MMP16: variants seen among roughly 807,000 people sequenced by gnomAD.
MMP16 encodes the protein matrix metallopeptidase 16.
A neutral mutation model predicts 67.8 loss-of-function variants in MMP16; 12 were observed. The ratio of observed to expected loss-of-function variants is 0.18; its 90% CI spans 0.11 to 0.29. The LOEUF (loss-of-function observed/expected upper bound fraction) is 0.29, where lower values mean the gene tolerates loss of function less well. Ranked by LOEUF, MMP16 falls within the 10% of genes least tolerant of loss-of-function variation. MMP16 has a pLI of 1.00. For missense variants in MMP16, 475 were observed against 765.7 expected, an observed-to-expected ratio of 0.62 and a Z score of 4.48; for synonymous variants, 249 against 255.9, an observed-to-expected ratio of 0.97 and a Z score of 0.26.
chr8:88,149,677 A>C (rs974815356), intron 4 of MMP16, among the ~76,000 whole-genome samples: 36 of 151,380 alleles, frequency 2.4e-4, no homozygotes, highest in African/African-American at 7.0e-4. Context: ...AAACTAACAA[A>C]CAGAAAGGAC....
At chr8:88,042,316 C>T (rs190910911) in intron 9 of MMP16, among the ~76,000 whole-genome samples, 49 of 152,284 alleles carry the variant, frequency 3.2e-4, no homozygotes, top group African/African-American at 1.0e-3. Flanking sequence ...GGAATCTGTG[C>T]TCCTTCTAAA....
At chr8:88,062,712 C>G (rs143980336) in intron 7 of MMP16, among the ~76,000 whole-genome samples, 1 of 151,728 alleles carries the variant, frequency 6.6e-6, no homozygotes, top group Non-Finnish European at 1.5e-5. Flanking sequence ...ATGTAAATGA[C>G]GAGTTAATGG....
chr8:88,238,603 T>A (rs921156936), intron 1 of MMP16, among the ~76,000 whole-genome samples: 1 of 145,712 alleles, frequency 6.9e-6, no homozygotes, highest in Non-Finnish European at 1.5e-5. Context: ...GAGGCGGAGG[T>A]TGCAGTGAGC....
chr8:88,161,555 G>T (rs932001863), intron 4 of MMP16, among the ~76,000 whole-genome samples: 6 of 151,924 alleles, frequency 3.9e-5, no homozygotes, highest in Admixed American at 2.6e-4. Flanking sequence ...ATTTCCTTCA[G>T]TTCTTCTCTG....
rs1486577073 is a variant in MMP16 at position 88,252,847 on chromosome 8, T to C, written c.133-55541A>G. Among the ~76,000 whole-genome samples the C allele has an allele frequency of 2.6e-5, 4 of 152,070 alleles. No individual in the cohort carries two copies. In the South Asian group the frequency reaches 8.3e-4, roughly 31 times the overall value. Reference sequence around the variant, plus strand: ...ATCAAAGCACTAATGTAGAAACATTTAATACGTAAAAGAATAATGCAAATT... The same window carrying C: ...ATCAAAGCACTAATGTAGAAACATTCAATACGTAAAAGAATAATGCAAATT... On this transcript the variant is annotated intron_variant, in intron 1 of 9. Transcript: ENST00000286614.
chr8:88,061,726 T>G (rs1156861950), intron 7 of MMP16, among the ~76,000 whole-genome samples: 1 of 152,076 alleles, frequency 6.6e-6, no homozygotes, highest in Non-Finnish European at 1.5e-5. Context: ...GAAATTGTTA[T>G]TATTCTACTT....
At chr8:88,107,269 G>T (rs1809258848) in intron 6 of MMP16, among the ~76,000 whole-genome samples, 4 of 150,760 alleles carry the variant, frequency 2.7e-5, no homozygotes, top group Non-Finnish European at 5.9e-5. Context: ...AAAAACTAAG[G>T]TGCTATTTTT....
chr8:88,095,292 AT>A (rs950895133), intron 6 of MMP16, among the ~76,000 whole-genome samples: 64 of 149,832 alleles, frequency 4.3e-4, no homozygotes, highest in African/African-American at 1.0e-3. Context: ...TTGTTCTTTA[AT>A]TTTTTTTTTC....
intron 4 of MMP16, among the ~76,000 whole-genome samples, chr8:88,127,654 G>T (rs924416953): frequency 6.6e-6 from 1 of 151,628 alleles, no homozygotes; most frequent in East Asian, 1.9e-4. Flanking sequence ...AACTTTCAAG[G>T]TTATAATTTT....
intron 4 of MMP16, among the ~76,000 whole-genome samples, chr8:88,157,927 T>C (rs1282187255): frequency 6.6e-6 from 1 of 151,076 alleles, no homozygotes; most frequent in Non-Finnish European, 1.5e-5. Flanking sequence ...CAGTGTTTGG[T>C]TTTTTGTCCT....
chr8:88,067,931 CA>C (rs1656513567), intron 7 of MMP16, among the ~76,000 whole-genome samples: 3 of 151,992 alleles, frequency 2.0e-5, no homozygotes, highest in African/African-American at 7.2e-5. Flanking sequence ...GGGAAAATAC[CA>C]AGGGTAAAAT....
At chr8:88,237,420 C>T (rs748718610) in intron 1 of MMP16, among the ~76,000 whole-genome samples, 3 of 151,990 alleles carry the variant, frequency 2.0e-5, no homozygotes, top group Non-Finnish European at 2.9e-5. Flanking sequence ...GAGGCCGAGG[C>T]GGGTGGATCA....
In MMP16 at chr8:88,293,450, A is replaced by G. The variant is rs763579400; in HGVS notation, c.132+33625T>C. Among the ~76,000 whole-genome samples, 153 of 152,298 alleles carry G rather than the reference A, an allele frequency of 1.0e-3. 1 individual carries two copies. The highest frequency in any genetic ancestry group is 1.8e-3 in the Admixed American group (28 of 15,298). On this transcript the variant is annotated intron_variant, in intron 1 of 9. Coordinates refer to ENST00000286614, the MANE Select transcript of MMP16 (RefSeq NM_005941.5). ...AATTCCAAATATCTGTTAGAGTAAC[A>G]AAATCCAATTTAGTTAGTATGTTCT...
chr8:88,139,055 C>G (rs1330363149), intron 4 of MMP16, among the ~76,000 whole-genome samples: 1 of 152,072 alleles, frequency 6.6e-6, no homozygotes, highest in Admixed American at 6.6e-5. Context: ...TAAATTATCT[C>G]TAGGTTATTT....
At chr8:88,303,863 C>T (rs1456221927) in intron 1 of MMP16, among the ~76,000 whole-genome samples, 2 of 152,136 alleles carry the variant, frequency 1.3e-5, no homozygotes, top group South Asian at 2.1e-4. Context: ...AGAATCAACA[C>T]GAAAATACTG....
chr8:88,067,680 C>T (rs1563522124), intron 7 of MMP16, among the ~76,000 whole-genome samples: 1 of 152,094 alleles, frequency 6.6e-6, no homozygotes, highest in African/African-American at 2.4e-5. Context: ...AGTATGTACT[C>T]TTGTTTTGTC....
rs372122530 is a variant in MMP16 at position 88,263,103 on chromosome 8, G to C, written c.132+63972C>G. On this transcript the variant is annotated intron_variant, in intron 1 of 9. Transcript: ENST00000286614. ...GGAGTGTCGATACACCACTATCATT[G>C]CCACCACATTTCTATATAAATTTAT... is the stretch of plus-strand genomic sequence containing the variant. Among the ~76,000 whole-genome samples, 4 of 151,702 alleles carry C rather than the reference G, an allele frequency of 2.6e-5. No individual in the cohort carries two copies. The South Asian group carries it at 8.3e-4, about 32-fold the overall frequency.
At chr8:88,120,309 T>G (rs2118440641) in intron 4 of MMP16, among the ~76,000 whole-genome samples, 1 of 151,946 alleles carries the variant, frequency 6.6e-6, no homozygotes, top group East Asian at 2.0e-4. Flanking sequence ...CACTCACAGG[T>G]GAGAGGATCA....
chr8:88,137,103 T>C (rs997055224), intron 4 of MMP16, among the ~76,000 whole-genome samples: 17 of 151,944 alleles, frequency 1.1e-4, no homozygotes, highest in African/African-American at 4.1e-4. Context: ...GATATCACAT[T>C]GTGACTTAGA....
Sources: allele counts gnomAD v4.1 joint callset (sites outside exome capture counted in the v4.1 genomes callset), GRCh38; gene constraint gnomAD v4.1.1; transcripts MANE v1.5; gene names NCBI Gene and HGNC (gene_info 2026-07-23, HGNC 2026-07-21).